The following L3MBTL4 variants were observed in gnomAD, a reference collection of about 807,000 sequenced individuals.
The protein encoded by L3MBTL4 is L3MBTL histone methyl-lysine binding protein 4.
A neutral mutation model predicts 84.5 loss-of-function variants in L3MBTL4; 70 were observed. The ratio of observed to expected loss-of-function variants is 0.83; its 90% CI spans 0.68 to 1.01. L3MBTL4 has a LOEUF of 1.01. L3MBTL4 is among the 50% of genes least tolerant of loss of function. The pLI is 0.00. For missense variants in L3MBTL4, 715 were observed against 754.8 expected, an observed-to-expected ratio of 0.95 and a Z score of 0.62; for synonymous variants, 274 against 259.8, an observed-to-expected ratio of 1.05 and a Z score of -0.52.
chr18:6,051,187 C>G (rs924836869), intron 16 of L3MBTL4, among the ~76,000 whole-genome samples: 3 of 152,220 alleles, frequency 2.0e-5, no homozygotes, highest in Admixed American at 6.5e-5. Flanking sequence ...TCTGCCGACT[C>G]TGGGGCAATG....
intron 10 of L3MBTL4, among the ~76,000 whole-genome samples, chr18:6,234,754 T>G (rs529652665): frequency 6.6e-6 from 1 of 152,306 alleles, no homozygotes; most frequent in South Asian, 2.1e-4. Context: ...TGGAAGACAG[T>G]GTGGCGATTC....
rs1194865583 is a variant in L3MBTL4 at position 6,246,463 on chromosome 18, T to C, written c.220-1875A>G. Among the ~76,000 whole-genome samples, 3 of 152,214 alleles carry C rather than the reference T, an allele frequency of 2.0e-5. No individual in the cohort carries two copies. The East Asian group carries it at 5.8e-4, about 29-fold the overall frequency. ...CCATTACTAGTCACTTTATTGTTAA[T>C]TGCAAATAATCATATACTAATGGAA... is the stretch of plus-strand genomic sequence containing the variant. On this transcript the variant is annotated intron_variant, in intron 5 of 18. Coordinates refer to ENST00000317931, the MANE Select transcript of L3MBTL4 (RefSeq NM_001330559.2).
At chr18:6,038,566 T>C (rs966241911) in intron 16 of L3MBTL4, among the ~76,000 whole-genome samples, 1 of 152,174 alleles carries the variant, frequency 6.6e-6, no homozygotes, top group Non-Finnish European at 1.5e-5. Context: ...TGGATCATTT[T>C]TTGACTGGTA....
intron 1 of L3MBTL4, among the ~76,000 whole-genome samples, chr18:6,318,730 G>GTCAAC (rs2051253410): frequency 6.6e-6 from 1 of 151,920 alleles, no homozygotes; most frequent in Non-Finnish European, 1.5e-5. Context: ...CATCGAGACA[G>GTCAAC]AAGGTCAACA....
chr18:6,232,280 T>G (rs1326923134), intron 10 of L3MBTL4, among the ~76,000 whole-genome samples: 1 of 152,152 alleles, frequency 6.6e-6, no homozygotes, highest in Non-Finnish European at 1.5e-5. Flanking sequence ...CTGTTGATTT[T>G]GGGTTTTCTA....
At chr18:6,014,491 A>G (rs140905811) in intron 16 of L3MBTL4, among the ~76,000 whole-genome samples, 114 of 152,326 alleles carry the variant, frequency 7.5e-4, no homozygotes, top group African/African-American at 2.3e-3. Flanking sequence ...CATCCAGACC[A>G]TGAGGTTAGA....
intron 1 of L3MBTL4, among the ~76,000 whole-genome samples, chr18:6,316,791 G>C (rs190525231): frequency 6.6e-6 from 1 of 152,214 alleles, no homozygotes; most frequent in Admixed American, 6.5e-5. Context: ...AAGAACTAAG[G>C]TGGCTCCCAC....
At chr18:6,251,484 TA>T (rs1409740689) in intron 5 of L3MBTL4, among the ~76,000 whole-genome samples, 1 of 152,246 alleles carries the variant, frequency 6.6e-6, no homozygotes, top group Non-Finnish European at 1.5e-5. Flanking sequence ...TTTAAGTACT[TA>T]CAAATATTAA....
At chr18:6,225,126 A>C (rs938516561) in intron 10 of L3MBTL4, among the ~76,000 whole-genome samples, 2 of 152,204 alleles carry the variant, frequency 1.3e-5, no homozygotes, top group Non-Finnish European at 2.9e-5. Context: ...CTCCCTAACA[A>C]TGATCATAAA....
At chr18:6,139,857 T>A (rs2060141567) in intron 13 of L3MBTL4, among the ~76,000 whole-genome samples, 1 of 152,126 alleles carries the variant, frequency 6.6e-6, no homozygotes, top group Admixed American at 6.5e-5. Context: ...CTGAGTCTGA[T>A]GCCTTGGGCT....
At chr18:5,991,986 G>GCATCCATCCATC (rs35529758) in intron 16 of L3MBTL4, among the ~76,000 whole-genome samples, 82 of 149,094 alleles carry the variant, frequency 5.5e-4, no homozygotes, top group Admixed American at 3.0e-3. Context: ...TCCATCCAGT[G>GCATCCATCCATC]CATCCATCCA....
chr18:6,105,936 T>C (rs1031721179), intron 14 of L3MBTL4, among the ~76,000 whole-genome samples: 8 of 152,214 alleles, frequency 5.3e-5, no homozygotes, highest in Non-Finnish European at 1.0e-4. Context: ...ACAACTTGAT[T>C]AGTCTAATAT....
intron 4 of L3MBTL4, among the ~76,000 whole-genome samples, chr18:6,269,429 C>T (rs2048773106): frequency 6.6e-6 from 1 of 152,058 alleles, no homozygotes; most frequent in Admixed American, 6.5e-5. Context: ...TACACTCCAG[C>T]TTGGGTGACG....
At chr18:6,269,135 G>A (rs115158796) in intron 4 of L3MBTL4, among the ~76,000 whole-genome samples, 1,914 of 152,262 alleles carry the variant, frequency 0.013, 38 homozygotes, top group African/African-American at 0.043. Flanking sequence ...GAATAAGGTC[G>A]CTCATGGATG....
At position 6,229,336 on chromosome 18, in the gene L3MBTL4, T is replaced by C. The variant is rs146945731; in HGVS notation, c.784+8628A>G. 3.0e-3 allele frequency among the ~76,000 whole-genome samples: 462 copies of C among 152,298 alleles called. 2 individuals carry two copies. The highest frequency in any genetic ancestry group is 0.011 in the African/African-American group (440 of 41,566). ...AAATTGTGGTTGTTTGGGTTTTTAT[T>C]GTTGAGTTTTAGAAACTCTATATAT... On this transcript the variant is annotated intron_variant, in intron 10 of 18. Transcript: ENST00000317931.
At chr18:6,110,610 G>T (rs1217245817) in intron 14 of L3MBTL4, among the ~76,000 whole-genome samples, 106 of 106,840 alleles carry the variant, frequency 9.9e-4, no homozygotes, top group East Asian at 2.4e-3. Flanking sequence ...GTGGCATGGG[G>T]GGGTGGGTGT....
chr18:6,328,963 A>C (rs76111792), intron 1 of L3MBTL4, among the ~76,000 whole-genome samples: 3 of 152,202 alleles, frequency 2.0e-5, no homozygotes, highest in Non-Finnish European at 2.9e-5. Context: ...AGAAAAATGC[A>C]TAACAGCTTA....
intron 14 of L3MBTL4, among the ~76,000 whole-genome samples, chr18:6,130,314 C>T (rs898833873): frequency 1.3e-5 from 2 of 151,744 alleles, no homozygotes; most frequent in African/African-American, 4.8e-5. Flanking sequence ...AAGAAAACAT[C>T]TAAAATAATT....
At chr18:6,175,642 A>G (rs2044194724) in intron 12 of L3MBTL4, among the ~76,000 whole-genome samples, 1 of 152,212 alleles carries the variant, frequency 6.6e-6, no homozygotes, top group African/African-American at 2.4e-5. Flanking sequence ...TCAATACACA[A>G]TGACAAATAC....
Sources: allele counts gnomAD v4.1 joint callset (sites outside exome capture counted in the v4.1 genomes callset), GRCh38; gene constraint gnomAD v4.1.1; transcripts MANE v1.5; gene names NCBI Gene and HGNC (gene_info 2026-07-23, HGNC 2026-07-21).